The following STX2 variants were observed in gnomAD, a reference collection of about 807,000 sequenced individuals.
STX2 encodes syntaxin-2.
In STX2, 27 loss-of-function variants were observed where a neutral mutation model predicts 40.6. That is an observed-to-expected ratio of 0.66 (90% CI 0.49 to 0.92). The LOEUF (loss-of-function observed/expected upper bound fraction) is 0.92. Ranked by LOEUF, STX2 falls within the 40% of genes least tolerant of loss-of-function variation. STX2 has a pLI of 0.00. For missense variants in STX2, 328 were observed against 366.1 expected, an observed-to-expected ratio of 0.90 and a Z score of 0.85; for synonymous variants, 123 against 119.1, an observed-to-expected ratio of 1.03 and a Z score of -0.22.
Position 130,791,612 on chromosome 12 carries a change from A to G in STX2, c.*411T>C, listed in dbSNP as rs1950878460. 2 of 259,998 alleles carry G rather than the reference A, an allele frequency of 7.7e-6. No homozygotes were observed. The highest frequency in any genetic ancestry group is 1.3e-4 in the South Asian group (1 of 7,964). The allele number at this position is 259,998 out of a possible 1,614,324, so 16.1% of individuals were successfully genotyped here. On this transcript the variant is annotated 3_prime_UTR_variant, in exon 11 of 11. Transcript: ENST00000392373. ...ATTTGTTAACACTGAAATATTTTTAATATTAAAATGTTCAATATTTTCTTA... is the reference window on the plus strand; with the variant it reads ...ATTTGTTAACACTGAAATATTTTTAGTATTAAAATGTTCAATATTTTCTTA...
intron 3 of STX2, among the ~76,000 whole-genome samples, chr12:130,817,776 G>A (rs1357999115): frequency 6.6e-6 from 1 of 152,042 alleles, no homozygotes; most frequent in African/African-American, 2.4e-5. Flanking sequence ...CTTCAGAGTG[G>A]TGAAAGAAAA....
intron 3 of STX2, among the ~76,000 whole-genome samples, chr12:130,818,185 A>AAAAAAAAAAAAAAAT: frequency 1.4e-5 from 1 of 70,588 alleles, no homozygotes; most frequent in African/African-American, 1.2e-4. Context: ...AAAAAAAAAA[A>AAAAAAAAAAAAAAAT]ATATATATAT....
rs1377897947 is a variant in STX2, at chr12:130,812,931, A to G, written c.280+26T>C. The G allele has an allele frequency of 2.1e-6, 3 of 1,460,052 alleles. No individual in the cohort carries two copies. In the South Asian group the frequency reaches 3.9e-5, roughly 19 times the overall value. 90.4% of individuals were successfully genotyped at this position (1,460,052 alleles called of 1,614,324 possible). On this transcript the variant is annotated intron_variant, in intron 4 of 10. Coordinates refer to ENST00000392373, the MANE Select transcript of STX2 (RefSeq NM_194356.4). Reference sequence around the variant, plus strand: ...AAATACCCATACTCCCAACATCAATAATTAAACATAAAACTTCAAACTTAC... The same window carrying G: ...AAATACCCATACTCCCAACATCAATGATTAAACATAAAACTTCAAACTTAC...
chr12:130,800,941 T>C (rs747956921), intron 8 of STX2, among the ~76,000 whole-genome samples: 3 of 152,216 alleles, frequency 2.0e-5, no homozygotes, highest in African/African-American at 4.8e-5. Context: ...ACTCCATAAT[T>C]TAATCAACTG....
intron 3 of STX2, among the ~76,000 whole-genome samples, chr12:130,813,583 G>A (rs919308391): frequency 4.6e-5 from 7 of 152,176 alleles, no homozygotes; most frequent in Non-Finnish European, 8.8e-5. Context: ...AGCAGGGGGC[G>A]ATGGAGGCAG....
At chr12:130,832,735 C>T (rs2136359517) in intron 1 of STX2, among the ~76,000 whole-genome samples, 1 of 152,312 alleles carries the variant, frequency 6.6e-6, no homozygotes, top group South Asian at 2.1e-4. Flanking sequence ...TCGCTCCAGC[C>T]AACCTCCTCA....
intron 2 of STX2, among the ~76,000 whole-genome samples, chr12:130,826,556 A>C (rs1220346458): frequency 6.6e-6 from 1 of 152,190 alleles, no homozygotes; most frequent in Non-Finnish European, 1.5e-5. Context: ...ACTGCATTAG[A>C]ACGATGATTT....
intron 4 of STX2, chr12:130,812,303 T>C (rs752540017): frequency 2.3e-6 from 1 of 442,658 alleles, no homozygotes; most frequent in Non-Finnish European, 4.5e-6. Context: ...GTTTTTGAAA[T>C]ACACACTGAT....
chr12:130,838,484 A>C (rs7969598), intron 1 of STX2, among the ~76,000 whole-genome samples: 1 of 152,200 alleles, frequency 6.6e-6, no homozygotes, highest in Non-Finnish European at 1.5e-5. Context: ...GATCAGACAC[A>C]AGCTGCTGTT....
chr12:130,830,152 C>T (rs923004882), intron 1 of STX2, among the ~76,000 whole-genome samples: 2 of 152,238 alleles, frequency 1.3e-5, no homozygotes, highest in Non-Finnish European at 1.5e-5. Flanking sequence ...CTTCCCACTA[C>T]TTCCTACCCC....
intron 6 of STX2, among the ~76,000 whole-genome samples, chr12:130,804,009 C>T (rs149450205): frequency 3.5e-4 from 54 of 152,282 alleles, no homozygotes; most frequent in African/African-American, 1.3e-3. Flanking sequence ...CAGTCCTAGA[C>T]CCCACCTGGG....
chr12:130,816,725 A>G (rs995904136), intron 3 of STX2, among the ~76,000 whole-genome samples: 25 of 152,344 alleles, frequency 1.6e-4, no homozygotes, highest in Admixed American at 1.4e-3. Context: ...AAACCTAACA[A>G]GGCAGGAAAG....
intron 2 of STX2, among the ~76,000 whole-genome samples, chr12:130,822,380 C>A (rs1051198059): frequency 1.3e-4 from 19 of 151,944 alleles, no homozygotes; most frequent in African/African-American, 4.6e-4. Flanking sequence ...CACACCACTG[C>A]ACTCCAGCGT....
intron 8 of STX2, among the ~76,000 whole-genome samples, chr12:130,800,299 ATTTT>A (rs749716699): frequency 7.0e-6 from 1 of 143,562 alleles, no homozygotes; most frequent in Non-Finnish European, 1.5e-5. Context: ...ATATGTGTGT[ATTTT>A]TTTTTTTTTT....
chr12:130,828,877 A>AAAAG (rs1565935948), intron 1 of STX2, among the ~76,000 whole-genome samples: 4 of 149,376 alleles, frequency 2.7e-5, no homozygotes, highest in African/African-American at 1.0e-4. Context: ...CAAAAAAAAA[A>AAAAG]AAAAGAAAAG....
chr12:130,821,248 C>G (rs1952102353), intron 3 of STX2, among the ~76,000 whole-genome samples: 1 of 152,234 alleles, frequency 6.6e-6, no homozygotes, highest in African/African-American at 2.4e-5. Context: ...CTGAGCGCAG[C>G]ACAGTCCATA....
intron 1 of STX2, among the ~76,000 whole-genome samples, chr12:130,832,856 T>C (rs959165942): frequency 6.6e-6 from 1 of 152,152 alleles, no homozygotes; most frequent in Non-Finnish European, 1.5e-5. Flanking sequence ...GGACTTGCTG[T>C]GCCTTCTACC....
intron 1 of STX2, among the ~76,000 whole-genome samples, chr12:130,834,122 G>A (rs1952674477): frequency 6.6e-6 from 1 of 152,248 alleles, no homozygotes; most frequent in South Asian, 2.1e-4. Context: ...GGTGGCTCAC[G>A]CCTGTAATCC....
At chr12:130,800,174 C>T (rs1951171231) in intron 8 of STX2, among the ~76,000 whole-genome samples, 1 of 152,126 alleles carries the variant, frequency 6.6e-6, no homozygotes, top group African/African-American at 2.4e-5. Flanking sequence ...AACGAGAAGA[C>T]CTTATTCAAA....
Sources: allele counts gnomAD v4.1 joint callset (sites outside exome capture counted in the v4.1 genomes callset), GRCh38; gene constraint gnomAD v4.1.1; transcripts MANE v1.5; gene names NCBI Gene and HGNC (gene_info 2026-07-23, HGNC 2026-07-21).